Variants in KDELR2 observed in about 807,000 individuals in gnomAD.
The protein encoded by KDELR2 is ER lumen protein-retaining receptor 2.
Under a neutral mutation model 23.9 loss-of-function variants are expected in KDELR2, and 15 were observed. The observed-to-expected ratio is 0.63, with a 90% CI of 0.42 to 0.97. The LOEUF is 0.97. Ranked by LOEUF, KDELR2 falls within the 50% of genes least tolerant of loss-of-function variation. KDELR2 has a pLI of 0.00. For synonymous variants in KDELR2, 119 were observed against 106.2 expected (o/e 1.12, Z -0.74); for missense variants, 272 against 254.6 (o/e 1.07, Z -0.46).
At chr7:6,466,392 C>G in intron 3 of KDELR2, 69 bp from the exon 4 acceptor site, 4 of 1,568,732 alleles carry the variant, frequency 2.5e-6, no homozygotes, top group African/African-American at 1.4e-5. Context: ...AACACTCTTG[C>G]TTTCTTTACC....
chr7:6,466,383 A>T (rs1226374147), intron 3 of KDELR2, 60 bp from the exon 4 acceptor site: 6 of 1,585,316 alleles, frequency 3.8e-6, no homozygotes, highest in Non-Finnish European at 5.1e-6. Flanking sequence ...CTCAGAGGAA[A>T]CACTCTTGCT....
Position 6,466,088 on chromosome 7 carries a change from T to A in KDELR2, c.587A>T (p.Tyr196Phe), listed in dbSNP as rs200020875. The A allele has an allele frequency of 6.2e-7, 1 of 1,614,048 alleles. No homozygotes were observed. The highest frequency in any genetic ancestry group is 2.2e-5 in the East Asian group (1 of 44,878). Residue 196 changes from tyrosine to phenylalanine, a missense_variant, in exon 4 of 5, where the codon TAC (tyrosine) becomes TTC (phenylalanine). Transcript: ENST00000258739. ...VQTILYCDFF[Y>F]LYITKVLKGK... ...CAACATACCTTTTGTAATGTACAAG[T>A]AGAAGAAGTCACAGTATAGGATGGT... is the stretch of plus-strand genomic sequence containing the variant.
At chr7:6,477,022 A>G (rs1785768484) in intron 1 of KDELR2, among the ~76,000 whole-genome samples, 1 of 152,246 alleles carries the variant, frequency 6.6e-6, no homozygotes, top group Admixed American at 6.5e-5. Context: ...GATTCATTTT[A>G]TCTTCATGTC....
At chr7:6,475,820 C>T (rs1027250386) in intron 1 of KDELR2, among the ~76,000 whole-genome samples, 7 of 152,248 alleles carry the variant, frequency 4.6e-5, no homozygotes, top group Non-Finnish European at 8.8e-5. Context: ...ATACTTCACA[C>T]CACTACACAT....
chr7:6,470,266 T>C (rs1472766719), intron 2 of KDELR2: 2 of 152,408 alleles, frequency 1.3e-5, no homozygotes, highest in Non-Finnish European at 2.9e-5. Context: ...ATCCATGGCG[T>C]TTGCATGCTC....
chr7:6,465,995 T>A, intron 4 of KDELR2, 76 bp downstream of exon 4: 2 of 1,494,740 alleles, frequency 1.3e-6, no homozygotes, highest in Non-Finnish European at 1.8e-6. Context: ...GAGTGCCAGA[T>A]TAGAAGAGTG....
rs147548462 is a variant in KDELR2, at chr7:6,466,243, G to C, written c.432C>G (p.Ala144=). The change falls in exon 4 of 5, where the codon GCC becomes GCG. Residue 144 remains alanine (A), a synonymous_variant. Coordinates refer to ENST00000258739, the MANE Select transcript of KDELR2 (RefSeq NM_006854.4). ...QLFMISKTGE[A]ETITTHYLFF... ...ACAGGTAGTGGGTGGTGATGGTCTCGGCCTCCCCAGTCTTGCTGATCATAA... is the reference window on the plus strand; with the variant it reads ...ACAGGTAGTGGGTGGTGATGGTCTCCGCCTCCCCAGTCTTGCTGATCATAA... The C allele has an allele frequency of 1.2e-6, 2 of 1,614,064 alleles. No homozygotes were observed. Among genetic ancestry groups the C allele is most frequent in the African/African-American group, 1.3e-5 (1 of 74,992 alleles).
At chr7:6,474,340 G>A (rs1487275567) in intron 1 of KDELR2, 56 bp from the exon 2 acceptor site, 11 of 1,198,658 alleles carry the variant, frequency 9.2e-6, no homozygotes, top group African/African-American at 1.5e-5. Flanking sequence ...GGATTCCTGT[G>A]GATCACACTG....
At chr7:6,464,500 C>A (rs1785457305) in intron 4 of KDELR2, among the ~76,000 whole-genome samples, 1 of 152,046 alleles carries the variant, frequency 6.6e-6, no homozygotes, top group Admixed American at 6.6e-5. Context: ...GCCTGTGTGA[C>A]AGAGCAAGAC....
At chr7:6,468,674 T>G (rs948178816) in intron 3 of KDELR2, among the ~76,000 whole-genome samples, 9 of 151,820 alleles carry the variant, frequency 5.9e-5, no homozygotes, top group Non-Finnish European at 1.0e-4. Flanking sequence ...CCCAGCTAGT[T>G]TTTTGTATTT....
At chr7:6,476,909 T>G (rs1013846573) in intron 1 of KDELR2, among the ~76,000 whole-genome samples, 2 of 152,222 alleles carry the variant, frequency 1.3e-5, no homozygotes, top group African/African-American at 4.8e-5. Context: ...GCTGGGGTCA[T>G]GCCTTATTCC....
At chr7:6,481,404 T>C (rs1386942036) in intron 1 of KDELR2, among the ~76,000 whole-genome samples, 14 of 151,392 alleles carry the variant, frequency 9.2e-5, no homozygotes, top group Non-Finnish European at 5.9e-5. Context: ...ATCATTATTC[T>C]GAAGTTGCAC....
chr7:6,478,295 C>T (rs1260961708), intron 1 of KDELR2, among the ~76,000 whole-genome samples: 8 of 151,946 alleles, frequency 5.3e-5, no homozygotes, highest in Admixed American at 2.6e-4. Flanking sequence ...CACAGGTGCA[C>T]GCCACCACGC....
At chr7:6,480,780 C>G (rs749584270) in intron 1 of KDELR2, among the ~76,000 whole-genome samples, 1 of 152,214 alleles carries the variant, frequency 6.6e-6, no homozygotes, top group African/African-American at 2.4e-5. Context: ...TTTCAAAAGA[C>G]TCTAAACAAC....
intron 1 of KDELR2, among the ~76,000 whole-genome samples, chr7:6,477,174 C>T (rs1164955926): frequency 6.6e-6 from 1 of 152,196 alleles, no homozygotes; most frequent in African/African-American, 2.4e-5. Context: ...CAGGTGCGCA[C>T]AGGGCAGTGT....
chr7:6,465,308 C>A (rs1489823430), intron 4 of KDELR2, among the ~76,000 whole-genome samples: 1 of 151,676 alleles, frequency 6.6e-6, no homozygotes, highest in Non-Finnish European at 1.5e-5. Context: ...CTCAGCCTCC[C>A]GAGTAACTGG....
intron 3 of KDELR2, among the ~76,000 whole-genome samples, chr7:6,467,432 TAGA>T (rs1374291760): frequency 6.6e-6 from 1 of 152,170 alleles, no homozygotes; most frequent in Non-Finnish European, 1.5e-5. Context: ...ACGATGATGA[TAGA>T]AGGACTTTCA....
At chr7:6,472,753 T>G (rs749380528) in intron 2 of KDELR2, among the ~76,000 whole-genome samples, 3 of 152,118 alleles carry the variant, frequency 2.0e-5, no homozygotes, top group Admixed American at 1.3e-4. Context: ...ACCAATAGGA[T>G]TCAGTTGAAA....
At chr7:6,463,369 T>C (rs1239340073) in intron 4 of KDELR2, among the ~76,000 whole-genome samples, 194 bp from the exon 5 acceptor site, 2 of 152,210 alleles carry the variant, frequency 1.3e-5, no homozygotes, top group Non-Finnish European at 2.9e-5. Flanking sequence ...TTTGTTATTA[T>C]GACTTTCACC....
Sources: gnomAD v4.1 joint callset for allele counts (sites outside exome capture counted in the v4.1 genomes callset) on GRCh38, gnomAD v4.1.1 for gene constraint, MANE v1.5 for transcripts, NCBI Gene and HGNC (gene_info 2026-07-23, HGNC 2026-07-21) for gene names.